MCTP1: variants seen among roughly 807,000 people sequenced by gnomAD.
The protein encoded by MCTP1 is multiple C2 and transmembrane domain-containing protein 1.
MCTP1 carries 69 observed loss-of-function variants against 120.6 expected under a neutral mutation model. The ratio of observed to expected loss-of-function variants is 0.57; its 90% CI spans 0.47 to 0.70. MCTP1 has a LOEUF of 0.70. MCTP1 is among the 30% of genes least tolerant of loss of function. The pLI, the probability that MCTP1 is intolerant of heterozygous loss-of-function variation, is 0.00. For missense variants in MCTP1, 1,203 were observed against 1,248.8 expected, an observed-to-expected ratio of 0.96 and a Z score of 0.55; for synonymous variants, 529 against 493.1, an observed-to-expected ratio of 1.07 and a Z score of -0.96.
At chr5:94,846,158 C>A (rs1792300473) in intron 17 of MCTP1, among the ~76,000 whole-genome samples, 1 of 152,050 alleles carries the variant, frequency 6.6e-6, no homozygotes, top group Non-Finnish European at 1.5e-5. Flanking sequence ...TGGGTATATA[C>A]CCAAAGAAAT....
At chr5:95,062,549 G>A (rs1372152906) in intron 1 of MCTP1, among the ~76,000 whole-genome samples, 1 of 152,170 alleles carries the variant, frequency 6.6e-6, no homozygotes, top group Non-Finnish European at 1.5e-5. Context: ...ATAAGATTAA[G>A]AGGATGGTAT....
chr5:95,204,671 A>G (rs184332533), intron 1 of MCTP1, among the ~76,000 whole-genome samples: 9 of 152,324 alleles, frequency 5.9e-5, no homozygotes, highest in South Asian at 2.1e-4. Context: ...AACAAGTTCT[A>G]CAAGATTGCA....
chr5:94,950,052 T>C (rs980407991), intron 3 of MCTP1, among the ~76,000 whole-genome samples: 3 of 152,006 alleles, frequency 2.0e-5, no homozygotes, highest in Non-Finnish European at 4.4e-5. Context: ...AGATTTTCTT[T>C]CAAAAAAAGC....
At chr5:95,195,634 A>C (rs1050614843) in intron 1 of MCTP1, among the ~76,000 whole-genome samples, 7 of 152,176 alleles carry the variant, frequency 4.6e-5, no homozygotes, top group Non-Finnish European at 8.8e-5. Flanking sequence ...AAAAGATATG[A>C]GTTTGGATCC....
Position 95,284,371 on chromosome 5 carries a change from C to A in MCTP1, c.205G>T (p.Ala69Ser), listed in dbSNP as rs1169115227. 1.3e-6 allele frequency: 2 copies of A among 1,595,686 alleles called. No homozygotes were observed. Among genetic ancestry groups the A allele is most frequent in the African/African-American group, 1.3e-5 (1 of 74,740 alleles). ...PPPVGTGNAP[A>S]RGSGAGSRWS... is the part of the protein sequence containing the mutation. ...CTGCTGCCTGCACCACTCCCCCTGG[C>A]CGGTGCATTCCCTGTGCCCACCGGG... Residue 69 changes from alanine (A) to serine (S), a missense_variant, in exon 1 of 23, where the codon GCC becomes TCC. Transcript: ENST00000515393. The surrounding 1 kb of genome is among the most constrained non-coding windows in gnomAD (Gnocchi z 5.2).
intron 19 of MCTP1, among the ~76,000 whole-genome samples, chr5:94,751,766 G>A (rs1482983837): frequency 3.3e-5 from 5 of 152,106 alleles, no homozygotes; most frequent in African/African-American, 1.2e-4. Context: ...AGAAGGGGGA[G>A]CTGAATCACT....
intron 1 of MCTP1, among the ~76,000 whole-genome samples, chr5:95,212,167 A>G (rs1752462344): frequency 2.0e-5 from 3 of 152,140 alleles, no homozygotes; most frequent in Admixed American, 2.0e-4. Context: ...AGACGCAATA[A>G]AAGATGATAA....
At chr5:94,710,956 C>A (rs976438386) in intron 20 of MCTP1, 29 bp from the exon 21 acceptor site, 13 of 1,421,560 alleles carry the variant, frequency 9.1e-6, no homozygotes, top group Non-Finnish European at 1.3e-5. Flanking sequence ...CATCAGCAAT[C>A]TGAGTACTTC....
intron 1 of MCTP1, among the ~76,000 whole-genome samples, chr5:95,269,687 T>G (rs1354314878): frequency 6.6e-6 from 1 of 152,232 alleles, no homozygotes; most frequent in Admixed American, 6.5e-5. Context: ...GTGGCCTCAC[T>G]AATGGTGAAG....
chr5:94,959,843 C>A (rs911881005), intron 2 of MCTP1, among the ~76,000 whole-genome samples: 9 of 152,134 alleles, frequency 5.9e-5, no homozygotes, highest in African/African-American at 2.2e-4. Context: ...GGCCATACTG[C>A]CCAAAGTAAT....
intron 19 of MCTP1, among the ~76,000 whole-genome samples, chr5:94,759,462 T>G (rs1770758202): frequency 6.6e-6 from 1 of 152,214 alleles, no homozygotes; most frequent in Non-Finnish European, 1.5e-5. Context: ...TAATTTCAAG[T>G]GACAGCTAAT....
At chr5:94,875,908 C>A (rs1326421081) in intron 12 of MCTP1, among the ~76,000 whole-genome samples, 1 of 152,064 alleles carries the variant, frequency 6.6e-6, no homozygotes, top group East Asian at 1.9e-4. Context: ...TCTCTTTTTA[C>A]AGTTATCATT....
At chr5:94,711,699 C>T (rs540428671) in intron 20 of MCTP1, among the ~76,000 whole-genome samples, 5 of 148,236 alleles carry the variant, frequency 3.4e-5, no homozygotes, top group East Asian at 2.0e-4. Context: ...CAAATGGAAA[C>T]GAGACCAATG....
chr5:94,880,270 GT>G (rs533609297), intron 12 of MCTP1, among the ~76,000 whole-genome samples: 176 of 152,146 alleles, frequency 1.2e-3, no homozygotes, highest in South Asian at 2.3e-3. Context: ...AAGTTCCTTT[GT>G]TTTTGCAAGG....
At chr5:94,787,121 C>T (rs1025638041) in intron 18 of MCTP1, among the ~76,000 whole-genome samples, 14 of 152,182 alleles carry the variant, frequency 9.2e-5, no homozygotes, top group African/African-American at 3.4e-4. Context: ...TTCAGTGAAA[C>T]GCCCTGTTCT....
intron 2 of MCTP1, among the ~76,000 whole-genome samples, chr5:94,977,809 C>T (rs1828459513): frequency 6.6e-6 from 1 of 151,986 alleles, no homozygotes; most frequent in African/African-American, 2.4e-5. Context: ...TAAATCAATA[C>T]AAATGGATTA....
At chr5:94,808,129 CAG>C (rs1010875197) in intron 17 of MCTP1, among the ~76,000 whole-genome samples, 13 of 152,014 alleles carry the variant, frequency 8.6e-5, no homozygotes, top group African/African-American at 2.9e-4. Context: ...ACCACATCAT[CAG>C]AGTCTTCAGA....
chr5:95,218,456 A>T (rs2152594786), intron 1 of MCTP1, among the ~76,000 whole-genome samples: 1 of 152,272 alleles, frequency 6.6e-6, no homozygotes, highest in East Asian at 1.9e-4. Flanking sequence ...ACATCATTTT[A>T]GGTGGTAATG....
At chr5:95,001,312 A>T (rs188159581) in intron 2 of MCTP1, among the ~76,000 whole-genome samples, 107 of 152,318 alleles carry the variant, frequency 7.0e-4, no homozygotes, top group Non-Finnish European at 1.4e-3. Flanking sequence ...CTGTAAAGAT[A>T]CCAAAAAATG....
Sources: allele counts gnomAD v4.1 joint callset (sites outside exome capture counted in the v4.1 genomes callset), GRCh38; gene constraint gnomAD v4.1.1; non-coding constraint Gnocchi (gnomAD v3.1); transcripts MANE v1.5; gene names NCBI Gene and HGNC (gene_info 2026-07-23, HGNC 2026-07-21).